CLMN: variants seen among roughly 807,000 people sequenced by gnomAD.
CLMN encodes calmin.
In CLMN, 57 loss-of-function variants were observed where a neutral mutation model predicts 92.7. That is an observed-to-expected ratio of 0.61 (90% CI 0.50 to 0.77). CLMN has a LOEUF of 0.77. Ranked by LOEUF, CLMN falls within the 30% of genes least tolerant of loss-of-function variation. CLMN has a pLI of 0.00. For missense variants in CLMN, 1,158 were observed against 1,237.5 expected (o/e 0.94, Z 0.96); for synonymous variants, 466 against 470.6 (o/e 0.99, Z 0.13).
At chr14:95,213,995 C>A (rs1897263489) in intron 5 of CLMN, among the ~76,000 whole-genome samples, 1 of 152,018 alleles carries the variant, frequency 6.6e-6, no homozygotes, top group African/African-American at 2.4e-5. Flanking sequence ...TCCTACTCAT[C>A]CTTCAAAACC....
intron 2 of CLMN, among the ~76,000 whole-genome samples, chr14:95,227,606 A>T (rs1395816178): frequency 6.6e-6 from 1 of 152,198 alleles, no homozygotes; most frequent in East Asian, 1.9e-4. Context: ...GACAGTTCCT[A>T]TAAGAGCCTC....
intron 1 of CLMN, among the ~76,000 whole-genome samples, chr14:95,318,434 T>C (rs1375293394): frequency 2.0e-5 from 3 of 152,192 alleles, no homozygotes; most frequent in South Asian, 4.1e-4. Context: ...CCCAGTCCTT[T>C]TGAGGTCACC....
intron 1 of CLMN, among the ~76,000 whole-genome samples, chr14:95,304,660 T>C (rs1180796824): frequency 6.6e-6 from 1 of 152,074 alleles, no homozygotes; most frequent in Non-Finnish European, 1.5e-5. Context: ...ATCTATATAG[T>C]ACAATTGTAC....
At position 95,182,217 on chromosome 14, in the gene CLMN, T is replaced by C. The variant is rs932181738; in HGVS notation, c.*9347A>G. ...ATCCTAAATAGACAAAAATAATCCTTGTACTACAAAATAACATTTCATTTT... is the reference window on the plus strand; with the variant it reads ...ATCCTAAATAGACAAAAATAATCCTCGTACTACAAAATAACATTTCATTTT... On this transcript the variant is annotated 3_prime_UTR_variant, in exon 13 of 13. Transcript: ENST00000298912. 6.6e-5 allele frequency: 10 copies of C among 152,224 alleles called. No individual in the cohort carries two copies. Among genetic ancestry groups the C allele is most frequent in the Non-Finnish European group, 2.9e-5 (2 of 68,030 alleles). 9.4% of individuals were successfully genotyped at this position (152,224 alleles called of 1,614,324 possible). A position where few individuals can be genotyped will look rare whatever the true frequency, so the allele number is the denominator to read the frequency against.
intron 1 of CLMN, among the ~76,000 whole-genome samples, chr14:95,241,749 C>T (rs1476952603): frequency 6.6e-6 from 1 of 152,228 alleles, no homozygotes. Flanking sequence ...CCAACTGATC[C>T]TTCTGAAATG....
chr14:95,231,898 C>T (rs967239881), intron 1 of CLMN, among the ~76,000 whole-genome samples: 3 of 152,226 alleles, frequency 2.0e-5, no homozygotes, highest in South Asian at 2.1e-4. Flanking sequence ...CATGGATTAA[C>T]TAATTTAATC....
chr14:95,316,436 T>C (rs1170332064), intron 1 of CLMN, among the ~76,000 whole-genome samples: 2 of 152,252 alleles, frequency 1.3e-5, no homozygotes, highest in East Asian at 3.8e-4. Context: ...CCATGAACAC[T>C]GCATCTGCTC....
chr14:95,255,285 C>T (rs1312791201), intron 1 of CLMN, among the ~76,000 whole-genome samples: 1 of 152,174 alleles, frequency 6.6e-6, no homozygotes, highest in African/African-American at 2.4e-5. Flanking sequence ...CCCCCATCTG[C>T]AGTTTCAGTT....
At chr14:95,198,045 T>TC (rs1896772352) in intron 9 of CLMN, among the ~76,000 whole-genome samples, 1 of 136,348 alleles carries the variant, frequency 7.3e-6, no homozygotes, top group Non-Finnish European at 1.5e-5. Context: ...TTTCTTTCTT[T>TC]TTTTTTTTTT....
chr14:95,194,044 CA>C lies in CLMN; in HGVS notation c.2770-126del. On this transcript the variant is annotated intron_variant, in intron 11 of 12. Coordinates refer to ENST00000298912, the MANE Select transcript of CLMN (RefSeq NM_024734.4). This position sits in a 1 kb window ranked among gnomAD's most constrained non-coding sequence, Gnocchi z 4.0. ...CATGCCGGGCATTTCTCAATACCGC[CA>C]GCGTCTAGATCCAAAATCAAAGTGC... The C allele has an allele frequency of 6.7e-7, 1 of 1,490,570 alleles. No individual in the cohort carries two copies. The highest frequency in any genetic ancestry group is 8.9e-7 in the Non-Finnish European group (1 of 1,124,742). The allele number at this position is 1,490,570 out of a possible 1,614,324, so 92.3% of individuals were successfully genotyped here.
chr14:95,293,038 A>G (rs990103865), intron 1 of CLMN, among the ~76,000 whole-genome samples: 1 of 152,186 alleles, frequency 6.6e-6, no homozygotes, highest in African/African-American at 2.4e-5. Flanking sequence ...TATTTGGGAG[A>G]TGGTTAGAAA....
At chr14:95,278,086 C>T (rs949167787) in intron 1 of CLMN, among the ~76,000 whole-genome samples, 4 of 152,176 alleles carry the variant, frequency 2.6e-5, no homozygotes, top group Admixed American at 6.5e-5. Flanking sequence ...CTCTGAGCTA[C>T]CTTTGGAGAT....
In CLMN at chr14:95,297,890, T is replaced by G. The variant is rs1423090677; in HGVS notation, c.82+21821A>C. On this transcript the variant is annotated intron_variant, in intron 1 of 12. Transcript: ENST00000298912. Reference sequence around the variant, plus strand: ...TGTATGCTCACCCACGCATATAGTTTTGTGTGTGGATATGCTTCCATTTCC... The same window carrying G: ...TGTATGCTCACCCACGCATATAGTTGTGTGTGTGGATATGCTTCCATTTCC... Among the ~76,000 whole-genome samples the G allele has an allele frequency of 2.6e-5, 4 of 151,908 alleles. No individual in the cohort carries two copies. The East Asian group carries it at 7.7e-4, about 29-fold the overall frequency.
chr14:95,228,726 G>A (rs145314188), intron 2 of CLMN, among the ~76,000 whole-genome samples: 3 of 152,334 alleles, frequency 2.0e-5, no homozygotes, highest in African/African-American at 7.2e-5. Flanking sequence ...CCAGGCTGGA[G>A]TGCAGTGGTG....
At chr14:95,299,244 A>G (rs1900939523) in intron 1 of CLMN, among the ~76,000 whole-genome samples, 1 of 152,098 alleles carries the variant, frequency 6.6e-6, no homozygotes, top group African/African-American at 2.4e-5. Flanking sequence ...TTCCCTAACA[A>G]AAAGGCTCAT....
At chr14:95,287,186 T>C (rs2140751444) in intron 1 of CLMN, among the ~76,000 whole-genome samples, 1 of 152,330 alleles carries the variant, frequency 6.6e-6, no homozygotes, top group East Asian at 1.9e-4. Context: ...AATCCTGTGA[T>C]TTGAGCAACA....
intron 6 of CLMN, 60 bp downstream of exon 6, chr14:95,213,159 T>C: frequency 6.5e-7 from 1 of 1,544,930 alleles, no homozygotes; most frequent in South Asian, 1.1e-5. Flanking sequence ...AATTCTCCTT[T>C]CCTCTGCCTG....
chr14:95,215,547 TCA>T (rs1897312354), intron 5 of CLMN, 92 bp downstream of exon 5: 1 of 1,039,984 alleles, frequency 9.6e-7, no homozygotes, highest in African/African-American at 1.6e-5. Flanking sequence ...AAACTAAGCC[TCA>T]CTGCCTCCCT....
chr14:95,277,906 C>A (rs1209924979), intron 1 of CLMN, among the ~76,000 whole-genome samples: 1 of 152,222 alleles, frequency 6.6e-6, no homozygotes, highest in African/African-American at 2.4e-5. Flanking sequence ...GGATTACAGG[C>A]GTGAGCCACT....
Sources: allele counts gnomAD v4.1 joint callset (sites outside exome capture counted in the v4.1 genomes callset), GRCh38; gene constraint gnomAD v4.1.1; non-coding constraint Gnocchi (gnomAD v3.1); transcripts MANE v1.5; gene names NCBI Gene and HGNC (gene_info 2026-07-23, HGNC 2026-07-21).